Variants in RBFOX1 observed in about 807,000 individuals in gnomAD.
RBFOX1 encodes the protein RNA binding fox-1 homolog 1.
RBFOX1 carries 8 observed loss-of-function variants against 57.7 expected under a neutral mutation model. The ratio of observed to expected loss-of-function variants is 0.14; its 90% CI spans 0.08 to 0.25. The LOEUF (loss-of-function observed/expected upper bound fraction) is 0.25. Among genes scored for constraint, RBFOX1 ranks in the 10% least tolerant of loss-of-function variants. RBFOX1 has a pLI of 1.00. For synonymous variants in RBFOX1, 326 were observed against 222.4 expected, an observed-to-expected ratio of 1.47 and a Z score of -4.15; for missense variants, 611 against 548.5, an observed-to-expected ratio of 1.11 and a Z score of -1.14.
At chr16:5,402,437 A>G (rs953199885) in intron 1 of RBFOX1, among the ~76,000 whole-genome samples, 1 of 151,414 alleles carries the variant, frequency 6.6e-6, no homozygotes, top group African/African-American at 2.4e-5. Context: ...CCAGCTCACA[A>G]CCTCCCCCAT....
chr16:6,228,144 C>G (rs568829633), intron 1 of RBFOX1, among the ~76,000 whole-genome samples: 4 of 151,968 alleles, frequency 2.6e-5, no homozygotes, highest in Non-Finnish European at 5.9e-5. Flanking sequence ...AACCCCATCT[C>G]TAGTAAAAAT....
At chr16:6,688,302 C>T (rs137861176) in intron 3 of RBFOX1, among the ~76,000 whole-genome samples, 33 of 152,220 alleles carry the variant, frequency 2.2e-4, no homozygotes, top group African/African-American at 7.7e-4. Context: ...TATCATGAGA[C>T]AGCACTAGGG....
chr16:6,034,792 C>G (rs1208236576), intron 1 of RBFOX1, among the ~76,000 whole-genome samples: 1 of 152,062 alleles, frequency 6.6e-6, no homozygotes, highest in Non-Finnish European at 1.5e-5. Flanking sequence ...GTCCTCATAA[C>G]AACCCTGTGG....
chr16:7,617,675 C>A (rs142646389), intron 10 of RBFOX1, among the ~76,000 whole-genome samples: 1 of 152,120 alleles, frequency 6.6e-6, no homozygotes, highest in Admixed American at 6.6e-5. Context: ...CCTTTTATTG[C>A]AGAATTATAG....
chr16:7,120,611 A>G (rs1489497836), intron 4 of RBFOX1, among the ~76,000 whole-genome samples: 2 of 151,664 alleles, frequency 1.3e-5, no homozygotes, highest in Non-Finnish European at 2.9e-5. Context: ...GGTTCAATAG[A>G]CTTATTTAAA....
At chr16:6,659,363 C>G (rs1236820192) in intron 3 of RBFOX1, among the ~76,000 whole-genome samples, 1 of 152,156 alleles carries the variant, frequency 6.6e-6, no homozygotes, top group African/African-American at 2.4e-5. Context: ...GTTATGGCGA[C>G]TTTCAGATTG....
chr16:6,985,110 CCCCTA>C lies in RBFOX1; in HGVS notation c.-15-66922_-15-66918del, dbSNP rs528617006. On this transcript the variant is annotated intron_variant, in intron 3 of 15. Transcript: ENST00000550418. The stretch of plus-strand genomic sequence containing the variant: ...AATTTCCTCTCCCCTCTCCTTCCTT[CCCCTA>C]CCCTACCCTACCCTACCCTACCCTC... 4.0e-3 allele frequency among the ~76,000 whole-genome samples: 610 copies of C among 151,988 alleles called. 10 individuals are homozygous for C. The highest frequency in any genetic ancestry group is 0.013 in the African/African-American group (551 of 41,450).
intron 4 of RBFOX1, among the ~76,000 whole-genome samples, chr16:7,114,271 C>T (rs1023142227): frequency 3.3e-5 from 5 of 151,708 alleles, no homozygotes; most frequent in Non-Finnish European, 7.4e-5. Context: ...CTTGTGTACA[C>T]ATTTTGGAGA....
chr16:5,929,146 G>A (rs1424045851), intron 4 of RBFOX1, among the ~76,000 whole-genome samples: 1 of 152,128 alleles, frequency 6.6e-6, no homozygotes, highest in Non-Finnish European at 1.5e-5. Flanking sequence ...TGGATCCAGG[G>A]GCAGTAGTCT....
chr16:7,098,794 A>G (rs1409780469), intron 4 of RBFOX1, among the ~76,000 whole-genome samples: 1 of 152,150 alleles, frequency 6.6e-6, no homozygotes, highest in Non-Finnish European at 1.5e-5. Context: ...TATCTTTAAA[A>G]TAAATAAATA....
intron 2 of RBFOX1, among the ~76,000 whole-genome samples, chr16:6,517,104 C>G (rs1210501868): frequency 6.6e-6 from 1 of 152,134 alleles, no homozygotes; most frequent in Non-Finnish European, 1.5e-5. Context: ...CACAGGATGA[C>G]TGGCTTGTTG....
chr16:7,550,204 G>A (rs1018491813), intron 5 of RBFOX1, among the ~76,000 whole-genome samples: 2 of 151,522 alleles, frequency 1.3e-5, no homozygotes, highest in Non-Finnish European at 2.9e-5. Flanking sequence ...GCACTGGAAT[G>A]CCACTATGCC....
intron 1 of RBFOX1, among the ~76,000 whole-genome samples, chr16:5,370,035 A>G (rs1344739116): frequency 6.6e-6 from 1 of 152,130 alleles, no homozygotes; most frequent in Non-Finnish European, 1.5e-5. Context: ...GTCTGCATCT[A>G]TTCCATGTAT....
intron 3 of RBFOX1, among the ~76,000 whole-genome samples, chr16:5,774,941 C>T (rs1479749980): frequency 6.6e-6 from 1 of 152,110 alleles, no homozygotes; most frequent in African/African-American, 2.4e-5. Context: ...CTTCGGCCTC[C>T]CAAAGTGTTG....
intron 1 of RBFOX1, among the ~76,000 whole-genome samples, chr16:6,309,608 G>A (rs1443479512): frequency 2.0e-5 from 3 of 152,046 alleles, no homozygotes; most frequent in South Asian, 2.1e-4. Flanking sequence ...GAAATCTCCT[G>A]TAAGGCCAAG....
chr16:7,499,324 A>G (rs777441453), intron 4 of RBFOX1, among the ~76,000 whole-genome samples: 87 of 152,280 alleles, frequency 5.7e-4, no homozygotes, highest in Admixed American at 1.9e-3. Flanking sequence ...TTCCCATTTT[A>G]TAAGACACAG....
intron 2 of RBFOX1, among the ~76,000 whole-genome samples, chr16:5,496,763 C>G (rs2043015693): frequency 6.6e-6 from 1 of 152,164 alleles, no homozygotes; most frequent in Non-Finnish European, 1.5e-5. Flanking sequence ...CAATCAGCTG[C>G]TTCATCCCTG....
chr16:5,393,188 G>A (rs1252313413), intron 1 of RBFOX1, among the ~76,000 whole-genome samples: 2 of 152,112 alleles, frequency 1.3e-5, no homozygotes, highest in African/African-American at 4.8e-5. Flanking sequence ...GGCTGTGAGT[G>A]CCATCACGGC....
Position 7,709,385 on chromosome 16 carries a change from G to A in RBFOX1, c.1071+254G>A, listed in dbSNP as rs556457413. The stretch of plus-strand genomic sequence containing the variant: ...CACCTAGCAGAGCACTTACCTTAAT[G>A]GAATAATTAGTCATTTTGATAATTA... On this transcript the variant is annotated intron_variant, in intron 15 of 15. Coordinates refer to ENST00000550418, the MANE Select transcript of RBFOX1 (RefSeq NM_018723.4). The A allele has an allele frequency of 9.0e-6, 11 of 1,223,390 alleles. No homozygotes were observed. The Admixed American group carries it at 3.0e-4, about 33-fold the overall frequency. The allele number at this position is 1,223,390 out of a possible 1,614,324, so 75.8% of individuals were successfully genotyped here.
Sources: allele counts gnomAD v4.1 joint callset (sites outside exome capture counted in the v4.1 genomes callset), GRCh38; gene constraint gnomAD v4.1.1; transcripts MANE v1.5; gene names NCBI Gene and HGNC (gene_info 2026-07-23, HGNC 2026-07-21).